ACYP2: variants seen among roughly 807,000 people sequenced by gnomAD.
ACYP2 encodes acylphosphatase-2.
ACYP2 carries 12 observed loss-of-function variants against 11.2 expected under a neutral mutation model. The ratio of observed to expected loss-of-function variants is 1.08; its 90% CI spans 0.69 to 1.74. The LOEUF (loss-of-function observed/expected upper bound fraction) is 1.74. Among genes scored for constraint, ACYP2 ranks in the 40% most tolerant of loss-of-function variants. ACYP2 has a pLI of 0.00. For missense variants in ACYP2, 134 were observed against 101.9 expected (o/e 1.31, Z -1.35); for synonymous variants, 43 against 32.2 (o/e 1.33, Z -1.13).
At chr2:54,000,661 TGGA>T (rs1672756348) in intron 2 of ACYP2, among the ~76,000 whole-genome samples, 1 of 152,194 alleles carries the variant, frequency 6.6e-6, no homozygotes, top group Non-Finnish European at 1.5e-5. Flanking sequence ...AACTAGAAGT[TGGA>T]GTTGCAACAG....
rs144293027 is a variant in ACYP2, at chr2:54,216,784, G to A, written c.404+78036G>A. Among the ~76,000 whole-genome samples, 223 of 152,244 alleles carry A rather than the reference G, an allele frequency of 1.5e-3. 1 individual carries two copies. Among genetic ancestry groups the A allele is most frequent in the Middle Eastern group, 0.01 (3 of 294 alleles). On this transcript the variant is annotated intron_variant, in intron 6 of 6. Coordinates refer to ENST00000607452, the MANE Select transcript of ACYP2 (RefSeq NM_001320586.2). ...ACTCTTGGCCTCAAGTGATCCACCC[G>A]CCTTGGCCTTCCAAAGTGCTGGAAT...
intron 2 of ACYP2, among the ~76,000 whole-genome samples, chr2:53,996,521 G>A (rs1672582875): frequency 6.6e-6 from 1 of 152,108 alleles, no homozygotes; most frequent in African/African-American, 2.4e-5. Context: ...AGCAAAGATT[G>A]CCTGTTAAGA....
chr2:54,041,943 A>G (rs554146766), intron 2 of ACYP2, among the ~76,000 whole-genome samples: 7 of 151,312 alleles, frequency 4.6e-5, no homozygotes, highest in African/African-American at 1.7e-4. Context: ...GGCATGAGAC[A>G]CCTCACACAG....
chr2:54,110,055 T>C (rs2103716408), intron 4 of ACYP2, among the ~76,000 whole-genome samples: 1 of 152,318 alleles, frequency 6.6e-6, no homozygotes, highest in South Asian at 2.1e-4. Flanking sequence ...ACCTTGACAG[T>C]TTTGAGGATT....
At chr2:54,027,594 T>A (rs576778018) in intron 2 of ACYP2, among the ~76,000 whole-genome samples, 1 of 152,328 alleles carries the variant, frequency 6.6e-6, no homozygotes, top group Admixed American at 6.5e-5. Flanking sequence ...TGCTTTTCTC[T>A]TGTTAATCTG....
chr2:54,268,081 C>A (rs1273733949), intron 6 of ACYP2, among the ~76,000 whole-genome samples: 1 of 152,178 alleles, frequency 6.6e-6, no homozygotes, highest in Non-Finnish European at 1.5e-5. Flanking sequence ...ATATGGAAAG[C>A]CTTGATTTTC....
At chr2:54,218,570 G>T (rs907271191) in intron 6 of ACYP2, among the ~76,000 whole-genome samples, 2 of 152,072 alleles carry the variant, frequency 1.3e-5, no homozygotes, top group African/African-American at 4.8e-5. Context: ...TTTTATTTAG[G>T]ATTGCATTTT....
At chr2:54,243,194 G>A (rs964124778) in intron 6 of ACYP2, among the ~76,000 whole-genome samples, 1 of 151,976 alleles carries the variant, frequency 6.6e-6, no homozygotes, top group Admixed American at 6.6e-5. Context: ...TTAACACTGG[G>A]GATACATTCT....
intron 4 of ACYP2, among the ~76,000 whole-genome samples, chr2:54,119,823 A>G (rs1680041024): frequency 1.3e-5 from 2 of 152,090 alleles, no homozygotes; most frequent in Admixed American, 6.5e-5. Context: ...TGGTTCCAGG[A>G]TCCCATCCAG....
At chr2:54,072,726 C>A (rs1677131114) in intron 4 of ACYP2, among the ~76,000 whole-genome samples, 1 of 151,966 alleles carries the variant, frequency 6.6e-6, no homozygotes, top group South Asian at 2.1e-4. Context: ...CTGTGCCAGG[C>A]TAATTTTTGT....
At chr2:54,105,770 A>C (rs180800205) in intron 4 of ACYP2, among the ~76,000 whole-genome samples, 58 of 152,216 alleles carry the variant, frequency 3.8e-4, no homozygotes, top group Non-Finnish European at 6.2e-4. Flanking sequence ...CTGAGATTAC[A>C]GGCATGAGCC....
intron 6 of ACYP2, among the ~76,000 whole-genome samples, chr2:54,153,606 C>CT (rs763209155): frequency 7.4e-4 from 86 of 115,674 alleles, no homozygotes; most frequent in Non-Finnish European, 7.6e-4. Context: ...TTTTTTTTTT[C>CT]TTTTTTTTTT....
intron 6 of ACYP2, among the ~76,000 whole-genome samples, chr2:54,271,105 A>T (rs1041654467): frequency 6.6e-6 from 1 of 152,240 alleles, no homozygotes; most frequent in Admixed American, 6.5e-5. Context: ...GCATAGGCCA[A>T]GCTCACTATG....
intron 6 of ACYP2, among the ~76,000 whole-genome samples, chr2:54,179,758 A>C (rs1449341715): frequency 2.6e-5 from 4 of 152,154 alleles, no homozygotes; most frequent in Admixed American, 1.3e-4. Flanking sequence ...TTTATCAGCA[A>C]GGTCTTTATG....
chr2:54,023,509 C>T (rs777403555), intron 2 of ACYP2, among the ~76,000 whole-genome samples: 5 of 152,084 alleles, frequency 3.3e-5, no homozygotes, highest in Non-Finnish European at 5.9e-5. Context: ...TGCTTTATAT[C>T]CACATGAACC....
intron 6 of ACYP2, among the ~76,000 whole-genome samples, chr2:54,292,161 C>G (rs1689337056): frequency 6.6e-6 from 1 of 152,116 alleles, no homozygotes; most frequent in Non-Finnish European, 1.5e-5. Flanking sequence ...ACCAGCATGA[C>G]CAGCCACAAA....
intron 2 of ACYP2, among the ~76,000 whole-genome samples, chr2:53,976,181 A>G (rs1275671510): frequency 6.6e-6 from 1 of 152,210 alleles, no homozygotes; most frequent in Admixed American, 6.5e-5. Context: ...TATATTGGCA[A>G]GTGAATGAAT....
intron 6 of ACYP2, among the ~76,000 whole-genome samples, chr2:54,303,356 TC>T: frequency 6.6e-6 from 1 of 151,970 alleles, no homozygotes; most frequent in South Asian, 2.1e-4. Context: ...GTCTGCACCC[TC>T]CCCCCTCCAA....
At chr2:54,190,171 T>C (rs1213214540) in intron 6 of ACYP2, among the ~76,000 whole-genome samples, 1 of 152,224 alleles carries the variant, frequency 6.6e-6, no homozygotes, top group Admixed American at 6.5e-5. Context: ...CTTTTCATTT[T>C]GTTGATTGTT....
Sources: gnomAD v4.1 joint callset for allele counts (sites outside exome capture counted in the v4.1 genomes callset) on GRCh38, gnomAD v4.1.1 for gene constraint, MANE v1.5 for transcripts, NCBI Gene and HGNC (gene_info 2026-07-23, HGNC 2026-07-21) for gene names.